The following BCLAF3 variants were observed in gnomAD, a reference collection of about 807,000 sequenced individuals.
The protein encoded by BCLAF3 is transient octamer binding factor 1.
In BCLAF3, 24 loss-of-function variants were observed where a neutral mutation model predicts 51.2. That is an observed-to-expected ratio of 0.47 (90% CI 0.34 to 0.66). The LOEUF (loss-of-function observed/expected upper bound fraction) is 0.66. Ranked by LOEUF, BCLAF3 falls within the 30% of genes least tolerant of loss-of-function variation. BCLAF3 has a pLI of 0.01. For missense variants in BCLAF3, 465 were observed against 525.1 expected (o/e 0.89, Z 1.12); for synonymous variants, 152 against 176.6 (o/e 0.86, Z 1.10).
At chrX:19,970,329 T>C in intron 1 of BCLAF3, 31 bp from the exon 2 acceptor site, 1 of 1,165,409 alleles carries the variant, frequency 8.6e-7, no homozygotes. Flanking sequence ...AGCAGGTTTG[T>C]AGAAAGACCC....
intron 1 of BCLAF3, among the ~76,000 whole-genome samples, chrX:19,988,299 T>C (rs2072866030): frequency 8.9e-6 from 1 of 112,508 alleles, no homozygotes. Flanking sequence ...TCTAATTTCA[T>C]AACCCTGATA....
intron 1 of BCLAF3, among the ~76,000 whole-genome samples, chrX:19,988,270 G>C (rs1260005273): frequency 8.9e-6 from 1 of 112,139 alleles, no homozygotes; most frequent in Non-Finnish European, 1.9e-5. Flanking sequence ...TTCAACATTT[G>C]TGCAGATTCA....
chrX:19,949,769 C>A (rs1340331307), intron 8 of BCLAF3, among the ~76,000 whole-genome samples: 3 of 112,399 alleles, frequency 2.7e-5, no homozygotes, highest in Non-Finnish European at 5.6e-5. Context: ...ATTATCTTAG[C>A]AATTTGATAG....
chrX:19,964,996 A>G (rs2071996573), intron 4 of BCLAF3, 48 bp downstream of exon 4: 7 of 1,014,815 alleles, frequency 6.9e-6, no homozygotes, highest in Non-Finnish European at 7.9e-6. Flanking sequence ...GCAAATAAAG[A>G]TTGTAGAAAC....
intron 1 of BCLAF3, among the ~76,000 whole-genome samples, chrX:19,990,536 C>T: frequency 8.8e-6 from 1 of 113,654 alleles, no homozygotes; most frequent in East Asian, 2.8e-4. Context: ...GGGCACCGTC[C>T]CCGGACACCG....
intron 4 of BCLAF3, among the ~76,000 whole-genome samples, chrX:19,959,616 T>TA (rs1309131005): frequency 0.019 from 1,757 of 91,023 alleles, 47 homozygotes; most frequent in African/African-American, 0.064. Context: ...CGACTAAAAA[T>TA]AAAAAAAAAA....
intron 4 of BCLAF3, among the ~76,000 whole-genome samples, chrX:19,963,173 C>T (rs928427181): frequency 5.7e-5 from 4 of 69,992 alleles, no homozygotes; most frequent in Non-Finnish European, 7.6e-5. Flanking sequence ...TCCAATAATC[C>T]AAGCTCCCTT....
chrX:19,926,389 G>A (rs964349749), intron 11 of BCLAF3, among the ~76,000 whole-genome samples: 5 of 111,439 alleles, frequency 4.5e-5, no homozygotes, highest in Non-Finnish European at 9.4e-5. Flanking sequence ...TACTTCTTAT[G>A]TCCTATGATG....
intron 11 of BCLAF3, among the ~76,000 whole-genome samples, chrX:19,927,396 T>C (rs1419261385): frequency 8.9e-6 from 1 of 111,933 alleles, no homozygotes; most frequent in Non-Finnish European, 1.9e-5. Flanking sequence ...AACTTCATTC[T>C]ACTCATCCGT....
chrX:19,944,413 C>CA (rs1471245045), intron 8 of BCLAF3, among the ~76,000 whole-genome samples: 2 of 45,865 alleles, frequency 4.4e-5, no homozygotes, highest in Non-Finnish European at 6.7e-5. Context: ...CGGCTGGTAC[C>CA]GGTTGTTCCT....
rs1306829739 is a variant in BCLAF3 at position 19,914,820 on chromosome X, G to A, written c.*2485C>T. 2 of 111,915 alleles carry A rather than the reference G, an allele frequency of 1.8e-5. No homozygotes were observed. The highest frequency in any genetic ancestry group is 3.8e-5 in the Non-Finnish European group (2 of 53,222). 9.2% of individuals were successfully genotyped at this position (111,915 alleles called of 1,213,427 possible). On this transcript the variant is annotated 3_prime_UTR_variant, in exon 12 of 12. Coordinates refer to ENST00000379682, the MANE Select transcript of BCLAF3 (RefSeq NM_001367774.2). ...TTTAAAACCAGTAAAACCACCAACA[G>A]AATAGTGCCTTCTGAGGTTGGTGAA...
At chrX:19,933,553 C>A (rs764701171) in intron 10 of BCLAF3, among the ~76,000 whole-genome samples, 1 of 111,562 alleles carries the variant, frequency 9.0e-6, no homozygotes, top group Admixed American at 9.5e-5. Context: ...TTATGCCAGG[C>A]CTATTTTTCA....
At chrX:19,980,875 G>A (rs1284037685) in intron 1 of BCLAF3, among the ~76,000 whole-genome samples, 1 of 107,866 alleles carries the variant, frequency 9.3e-6, no homozygotes, top group Non-Finnish European at 1.9e-5. Flanking sequence ...GGAGGCAGAG[G>A]TTGCAGTGAG....
chrX:19,974,347 G>A (rs1054628988), intron 1 of BCLAF3, among the ~76,000 whole-genome samples: 5 of 111,539 alleles, frequency 4.5e-5, no homozygotes, highest in Non-Finnish European at 7.5e-5. Flanking sequence ...CATTAGAATC[G>A]CCTGGAGGGC....
chrX:19,988,377 G>C (rs1293119417), intron 1 of BCLAF3, among the ~76,000 whole-genome samples: 1 of 112,098 alleles, frequency 8.9e-6, no homozygotes, highest in East Asian at 2.8e-4. Context: ...GAAAGAGTAT[G>C]GGGGCAAAGG....
intron 11 of BCLAF3, among the ~76,000 whole-genome samples, chrX:19,922,430 C>T (rs1420836350): frequency 2.7e-5 from 3 of 111,747 alleles, no homozygotes; most frequent in Non-Finnish European, 5.6e-5. Context: ...TATATGAATA[C>T]ATAAACTAAT....
intron 11 of BCLAF3, 24 bp downstream of exon 11, chrX:19,929,761 T>A (rs1244759117): frequency 8.6e-7 from 1 of 1,166,659 alleles, no homozygotes; most frequent in Admixed American, 2.5e-5. Flanking sequence ...CTAAACATTT[T>A]TAAATCATTT....
At chrX:19,988,842 CTTGT>C (rs1450422907) in intron 1 of BCLAF3, among the ~76,000 whole-genome samples, 1 of 111,550 alleles carries the variant, frequency 9.0e-6, no homozygotes, top group Non-Finnish European at 1.9e-5. Context: ...CTTTAAATCT[CTTGT>C]TTGTTCTATT....
intron 7 of BCLAF3, among the ~76,000 whole-genome samples, chrX:19,952,330 CTTT>C (rs766864774): frequency 6.3e-5 from 7 of 110,393 alleles, no homozygotes; most frequent in Admixed American, 9.7e-5. Flanking sequence ...TACAAAGACT[CTTT>C]ATCCTCAATG....
Sources: gnomAD v4.1 joint callset for allele counts (sites outside exome capture counted in the v4.1 genomes callset) on GRCh38, gnomAD v4.1.1 for gene constraint, MANE v1.5 for transcripts, NCBI Gene and HGNC (gene_info 2026-07-23, HGNC 2026-07-21) for gene names.